The following KCNQ2 variants were observed in gnomAD, a reference collection of about 807,000 sequenced individuals.
The protein encoded by KCNQ2 is potassium voltage-gated channel subfamily Q member 2.
Under a neutral mutation model 84.8 loss-of-function variants are expected in KCNQ2, and 14 were observed. That is an observed-to-expected ratio of 0.17 (90% CI 0.11 to 0.26). The LOEUF (loss-of-function observed/expected upper bound fraction) is 0.26. Among genes scored for constraint, KCNQ2 ranks in the 10% least tolerant of loss-of-function variants. The pLI is 1.00. For synonymous variants in KCNQ2, 599 were observed against 554.1 expected, an observed-to-expected ratio of 1.08 and a Z score of -1.14; for missense variants, 788 against 1,254.0, an observed-to-expected ratio of 0.63 and a Z score of 5.61.
At chr20:63,453,864 G>A (rs1400305134) in intron 1 of KCNQ2, among the ~76,000 whole-genome samples, 1 of 152,126 alleles carries the variant, frequency 6.6e-6, no homozygotes, top group African/African-American at 2.4e-5. Flanking sequence ...GACCAGACTT[G>A]AGAACAGGGC....
chr20:63,443,313 TCACC>T (rs1568937174), intron 4 of KCNQ2, among the ~76,000 whole-genome samples: 8 of 28,400 alleles, frequency 2.8e-4, no homozygotes. Context: ...ATCACCATCA[TCACC>T]ACCACCACCA....
chr20:63,450,198 C>T (rs1013267249), intron 1 of KCNQ2, among the ~76,000 whole-genome samples: 1 of 150,846 alleles, frequency 6.6e-6, no homozygotes, highest in Non-Finnish European at 1.5e-5. Context: ...CCCAAAGGGA[C>T]GAAGTGCCCC....
rs1037558422 is a variant in KCNQ2, at chr20:63,435,399, A to C, written c.1024-1496T>G. Among the ~76,000 whole-genome samples the C allele has an allele frequency of 2.1e-4, 31 of 144,380 alleles. 1 individual carries two copies. The highest frequency in any genetic ancestry group is 7.3e-4 in the African/African-American group (26 of 35,762). The allele number at this position is 144,380 out of a possible 152,430, so 94.7% of individuals were successfully genotyped here. A position where few individuals can be genotyped will look rare whatever the true frequency, so the allele number is the denominator to read the frequency against. ...CAAGTCCCTATCTCAACAACAACAA[A>C]AAAAAAAAGTTGGCCATCCTAACGT... On this transcript the variant is annotated intron_variant, in intron 7 of 16. Transcript: ENST00000359125.
chr20:63,444,692 C>T lies in KCNQ2; in HGVS notation c.657G>A (p.Lys219=), dbSNP rs770290221. 2 of 1,573,798 alleles carry T rather than the reference C, an allele frequency of 1.3e-6. No homozygotes were observed. The highest frequency in any genetic ancestry group is 2.3e-5 in the South Asian group (2 of 86,232). Residue 219 remains lysine, a synonymous_variant, in exon 4 of 17, where the codon AAG becomes AAA. Transcript: ENST00000359125. The part of the protein sequence containing the change: ...IRMDRRGGTW[K]LLGSVVYAHS... ...GGGCATAGACCACAGAGCCCAGCAGCTTCCAGGTGCCTCCCCGCCGGTCCA... is the reference window on the plus strand; with the variant it reads ...GGGCATAGACCACAGAGCCCAGCAGTTTCCAGGTGCCTCCCCGCCGGTCCA...
At chr20:63,465,527 G>C (rs1156854949) in intron 1 of KCNQ2, among the ~76,000 whole-genome samples, 1 of 152,198 alleles carries the variant, frequency 6.6e-6, no homozygotes, top group Admixed American at 6.5e-5. Flanking sequence ...GCAGGAACCA[G>C]AACCCACTCC....
chr20:63,443,086 A>C (rs1265758634), intron 4 of KCNQ2, among the ~76,000 whole-genome samples: 1 of 37,612 alleles, frequency 2.7e-5, no homozygotes. Context: ...CACCACCACC[A>C]TTATCACCAC....
At chr20:63,440,857 G>C (rs2081141494) in intron 5 of KCNQ2, among the ~76,000 whole-genome samples, 1 of 152,166 alleles carries the variant, frequency 6.6e-6, no homozygotes, top group South Asian at 2.1e-4. Context: ...GCCACACAGA[G>C]TGGGCGGGAG....
rs945026180 is a variant in KCNQ2 at position 63,408,239 on chromosome 20, C to T, written c.1887+174G>A. 14 of 819,304 alleles carry T rather than the reference C, an allele frequency of 1.7e-5. No homozygotes were observed. Among genetic ancestry groups the T allele is most frequent in the East Asian group, 5.5e-5 (2 of 36,164 alleles). The allele number at this position is 819,304 out of a possible 1,614,324, so 50.8% of individuals were successfully genotyped here. ...ACCCAGGCCGGGGGTGGGAGGCTCA[C>T]GGTGGGGTGTGAGGGGTCTGCACAG... is the stretch of plus-strand genomic sequence containing the variant. On this transcript the variant is annotated intron_variant, in intron 16 of 16. Transcript: ENST00000359125. This position sits in a 1 kb window ranked among gnomAD's most constrained non-coding sequence, Gnocchi z 5.0.
At chr20:63,441,495 C>G (rs2081161269) in intron 5 of KCNQ2, among the ~76,000 whole-genome samples, 1 of 152,170 alleles carries the variant, frequency 6.6e-6, no homozygotes, top group Non-Finnish European at 1.5e-5. Flanking sequence ...ACAAGCATTA[C>G]TCTGAAAAAA....
chr20:63,411,425 C>A (rs191144651), intron 15 of KCNQ2, among the ~76,000 whole-genome samples: 16 of 152,328 alleles, frequency 1.1e-4, no homozygotes, highest in Admixed American at 3.9e-4. Context: ...CGGGCAGGGC[C>A]AGAGGGATGT....
chr20:63,448,920 G>A (rs2145802409), intron 1 of KCNQ2: 1 of 152,438 alleles, frequency 6.6e-6, no homozygotes, highest in South Asian at 2.1e-4. Flanking sequence ...CACCCCTCCT[G>A]TCTCAGCCTT....
At chr20:63,444,085 C>T (rs2081343260) in intron 4 of KCNQ2, among the ~76,000 whole-genome samples, 1 of 152,364 alleles carries the variant, frequency 6.6e-6, no homozygotes, top group South Asian at 2.1e-4. Flanking sequence ...CCTGCCAGGG[C>T]TCAAGAGGGA....
chr20:63,414,280 G>C lies in KCNQ2; in HGVS notation c.1526-87C>G. ...CTGCAGGGCACACCGGCTAGACAGAGCGCCAGGGAGCCCCTCGAGGCTCCC... is the reference window on the plus strand; with the variant it reads ...CTGCAGGGCACACCGGCTAGACAGACCGCCAGGGAGCCCCTCGAGGCTCCC... On this transcript the variant is annotated intron_variant, in intron 13 of 16. Coordinates refer to ENST00000359125, the MANE Select transcript of KCNQ2 (RefSeq NM_172107.4). The surrounding 1 kb of genome is among the most constrained non-coding windows in gnomAD (Gnocchi z 6.6). The C allele has an allele frequency of 6.2e-6, 6 of 972,098 alleles. No homozygotes were observed. In the South Asian group the frequency reaches 7.9e-5, roughly 13 times the overall value. The allele number at this position is 972,098 out of a possible 1,614,324, so 60.2% of individuals were successfully genotyped here.
At chr20:63,429,099 C>T (rs965607958) in intron 9 of KCNQ2, among the ~76,000 whole-genome samples, 2 of 151,926 alleles carry the variant, frequency 1.3e-5, no homozygotes, top group Admixed American at 6.5e-5. Flanking sequence ...CCGGGCCCGC[C>T]GAAGCCCCCC....
intron 9 of KCNQ2, among the ~76,000 whole-genome samples, chr20:63,428,717 A>G (rs1465451443): frequency 6.6e-6 from 1 of 152,138 alleles, no homozygotes; most frequent in Non-Finnish European, 1.5e-5. Context: ...CCACCCATGC[A>G]GCCCCGACCC....
At position 63,403,871 on chromosome 20, in the gene KCNQ2, C is replaced by G. The variant is rs751049691; in HGVS notation, c.*2773G>C. ...TTGGCCACGCTCATTCACGCAGACA[C>G]CCGAGGCAGCGCCGCACCACCTCCA... is the stretch of plus-strand genomic sequence containing the variant. On this transcript the variant is annotated 3_prime_UTR_variant, in exon 17 of 17. Coordinates refer to ENST00000359125, the MANE Select transcript of KCNQ2 (RefSeq NM_172107.4). 6.6e-6 allele frequency: 1 copy of G among 152,424 alleles called. No individual in the cohort carries two copies. Among genetic ancestry groups the G allele is most frequent in the South Asian group, 2.1e-4 (1 of 4,828 alleles). The allele number at this position is 152,424 out of a possible 1,614,324, so 9.4% of individuals were successfully genotyped here.
chr20:63,443,099 TCACCATCACCACCACCAC>T (rs2081275409), intron 4 of KCNQ2, among the ~76,000 whole-genome samples: 1 of 59,234 alleles, frequency 1.7e-5, no homozygotes. Context: ...ATCACCACCA[TCACCATCACCACCACCAC>T]TATCACCACC....
intron 11 of KCNQ2, 173 bp downstream of exon 11, chr20:63,424,004 T>C (rs898964059): frequency 1.5e-6 from 1 of 673,972 alleles, no homozygotes; most frequent in Non-Finnish European, 2.7e-6. Flanking sequence ...GGAAGAGTGA[T>C]TTAAGGGCCC....
rs1246064509 is a variant in KCNQ2 at position 63,446,371 on chromosome 20, C to G, written c.387+376G>C. On this transcript the variant is annotated intron_variant, in intron 2 of 16. Coordinates refer to ENST00000359125, the MANE Select transcript of KCNQ2 (RefSeq NM_172107.4). This position sits in a 1 kb window ranked among gnomAD's most constrained non-coding sequence, Gnocchi z 5.5. Reference sequence around the variant, plus strand: ...TGCCCTGGCACAGGGTTGCTGCAAGCGTCACAGCCCCCACCCCGACGCCCA... The same window carrying G: ...TGCCCTGGCACAGGGTTGCTGCAAGGGTCACAGCCCCCACCCCGACGCCCA... The G allele has an allele frequency of 6.2e-6, 2 of 324,808 alleles. No homozygotes were observed. 20.1% of individuals were successfully genotyped at this position (324,808 alleles called of 1,614,324 possible). A position where few individuals can be genotyped will look rare whatever the true frequency, so the allele number is the denominator to read the frequency against.
Sources: gnomAD v4.1 joint callset for allele counts (sites outside exome capture counted in the v4.1 genomes callset) on GRCh38, gnomAD v4.1.1 for gene constraint, Gnocchi (gnomAD v3.1) non-coding constraint, MANE v1.5 for transcripts, NCBI Gene and HGNC (gene_info 2026-07-23, HGNC 2026-07-21) for gene names.